Variants in HDAC4 observed in about 807,000 individuals in gnomAD.
The protein encoded by HDAC4 is histone deacetylase A.
Under a neutral mutation model 135.1 loss-of-function variants are expected in HDAC4, and 16 were observed. That is an observed-to-expected ratio of 0.12 (90% CI 0.08 to 0.18). The LOEUF (loss-of-function observed/expected upper bound fraction) is 0.18. Ranked by LOEUF, HDAC4 falls within the 10% of genes least tolerant of loss-of-function variation. The probability of loss-of-function intolerance (pLI) is 1.00; values close to 1 mark genes in which losing one functional copy is unlikely to be tolerated. For synonymous variants in HDAC4, 685 were observed against 653.4 expected (o/e 1.05, Z -0.74); for missense variants, 1,143 against 1,511.8 (o/e 0.76, Z 4.05).
At chr2:239,089,435 C>T (rs1053467232) in intron 18 of HDAC4, among the ~76,000 whole-genome samples, 7 of 152,158 alleles carry the variant, frequency 4.6e-5, no homozygotes, top group South Asian at 2.1e-4. Flanking sequence ...TCAAGCGATT[C>T]GCCAGCCTCA....
chr2:239,264,115 G>A (rs1368276128), intron 2 of HDAC4, among the ~76,000 whole-genome samples: 1 of 152,216 alleles, frequency 6.6e-6, no homozygotes, highest in East Asian at 1.9e-4. Flanking sequence ...GCCAGGCGGG[G>A]AGCTCGTGGG....
chr2:239,124,405 C>G (rs574191572), intron 12 of HDAC4, among the ~76,000 whole-genome samples: 2 of 152,366 alleles, frequency 1.3e-5, no homozygotes, highest in South Asian at 4.1e-4. Flanking sequence ...ATACCACACG[C>G]GGCCTCTCGT....
rs925083292 is a variant in HDAC4 at position 239,130,688 on chromosome 2, C to T, written c.1294+3557G>A. Among the ~76,000 whole-genome samples, 7 of 152,182 alleles carry T rather than the reference C, an allele frequency of 4.6e-5. No homozygotes were observed. In the South Asian group the frequency reaches 6.2e-4, roughly 14 times the overall value. On this transcript the variant is annotated intron_variant, in intron 11 of 26. Transcript: ENST00000543185. ...CAAGCTCCTACTGAGATCTCAGCTC[C>T]GACGCCACTGCTCCGGGAAGCCTTC...
rs556049078 is a variant in HDAC4 at position 239,180,078 on chromosome 2, C to T, written c.340-3515G>A. On this transcript the variant is annotated intron_variant, in intron 4 of 26. Coordinates refer to ENST00000543185, the MANE Select transcript of HDAC4 (RefSeq NM_001378414.1). ...AGGCGGTGTGTGTCCGGGAACATCTCCTGCATCTTGCTGGGTCCTTCTTCA... is the reference window on the plus strand; with the variant it reads ...AGGCGGTGTGTGTCCGGGAACATCTTCTGCATCTTGCTGGGTCCTTCTTCA... Among the ~76,000 whole-genome samples, 140 of 152,306 alleles carry T rather than the reference C, an allele frequency of 9.2e-4. 1 individual carries two copies. The highest frequency in any genetic ancestry group is 1.6e-3 in the Admixed American group (25 of 15,304).
intron 1 of HDAC4, among the ~76,000 whole-genome samples, chr2:239,383,795 C>T (rs1210256412): frequency 6.6e-6 from 1 of 152,192 alleles, no homozygotes; most frequent in Non-Finnish European, 1.5e-5. Flanking sequence ...ACAACAGAGA[C>T]TGGAAAGTGA....
intron 3 of HDAC4, among the ~76,000 whole-genome samples, chr2:239,225,066 G>A (rs539252049): frequency 2.6e-5 from 4 of 152,182 alleles, no homozygotes; most frequent in African/African-American, 9.6e-5. Flanking sequence ...CAAAAAAGAT[G>A]ACTTGGAAAA....
intron 5 of HDAC4, among the ~76,000 whole-genome samples, chr2:239,169,199 A>C (rs1394314906): frequency 6.6e-6 from 1 of 152,238 alleles, no homozygotes; most frequent in African/African-American, 2.4e-5. Flanking sequence ...TTTAAACTTC[A>C]ATTCTTTGAT....
At chr2:239,226,393 G>A (rs559809967) in intron 3 of HDAC4, among the ~76,000 whole-genome samples, 6 of 152,130 alleles carry the variant, frequency 3.9e-5, no homozygotes, top group Middle Eastern at 3.4e-3. Context: ...CACGGTTGAG[G>A]GGCACTGCTG....
intron 2 of HDAC4, among the ~76,000 whole-genome samples, chr2:239,282,221 C>CACAATGTACACACCACTCT (rs2050815465): frequency 8.0e-6 from 1 of 125,028 alleles, no homozygotes; most frequent in Non-Finnish European, 1.7e-5. Flanking sequence ...CACCTCTCTA[C>CACAATGTACACACCACTCT]ACAATGTACA....
At chr2:239,228,353 T>C (rs2047360439) in intron 3 of HDAC4, among the ~76,000 whole-genome samples, 1 of 152,160 alleles carries the variant, frequency 6.6e-6, no homozygotes, top group Non-Finnish European at 1.5e-5. Context: ...ACCTGATCCT[T>C]CACTGGCCTC....
intron 6 of HDAC4, among the ~76,000 whole-genome samples, chr2:239,158,338 G>T (rs1376594057): frequency 1.3e-5 from 2 of 152,086 alleles, no homozygotes; most frequent in East Asian, 3.8e-4. Flanking sequence ...GGAGTGACTT[G>T]TACATGCATC....
chr2:239,217,168 G>A (rs1274060574), intron 3 of HDAC4, among the ~76,000 whole-genome samples: 2 of 152,184 alleles, frequency 1.3e-5, no homozygotes, highest in African/African-American at 4.8e-5. Context: ...GCTGGTGGCA[G>A]AGCCTGAACA....
rs1407254138 is a variant in HDAC4 at position 239,156,695 on chromosome 2, C to T, written c.690G>A (p.Leu230=). The stretch of plus-strand genomic sequence containing the variant: ...AGTCATCTTTGGCGTCGTACATTCC[C>T]AGGACCGGGTGGTTATAGGAGGTCG... ...GVSTSYNHPV[L]GMYDAKDDFP... is the part of the protein sequence containing the mutation. Residue 230 remains leucine, a synonymous_variant, in exon 7 of 27, where the codon CTG becomes CTA. Transcript: ENST00000543185. 6.8e-6 allele frequency: 11 copies of T among 1,614,140 alleles called. No homozygotes were observed. Among genetic ancestry groups the T allele is most frequent in the African/African-American group, 2.7e-5 (2 of 75,020 alleles).
chr2:239,083,627 G>A (rs944366935), intron 20 of HDAC4, among the ~76,000 whole-genome samples: 5 of 152,200 alleles, frequency 3.3e-5, no homozygotes, highest in African/African-American at 9.7e-5. Context: ...ATAAGAATGA[G>A]TATACCTATT....
intron 3 of HDAC4, 99 bp from the exon 4 acceptor site, chr2:239,190,176 G>GC: frequency 7.5e-7 from 1 of 1,328,924 alleles, no homozygotes; most frequent in Admixed American, 2.5e-5. Context: ...TCACGGGGCG[G>GC]GGGGGGGGTT....
In HDAC4 at chr2:239,073,407, C is replaced by G. The variant is rs543152595; in HGVS notation, c.2751-4800G>C. 5.9e-5 allele frequency among the ~76,000 whole-genome samples: 9 copies of G among 152,344 alleles called. No individual in the cohort carries two copies. In the South Asian group the frequency reaches 1.9e-3, roughly 32 times the overall value. ...ACGGGTCAGATAGGAGGCACCTGAC[C>G]TCAGTCTGTGGGCCACACGGTCTCT... On this transcript the variant is annotated intron_variant, in intron 22 of 26. Transcript: ENST00000543185.
chr2:239,214,655 G>A (rs1003543641), intron 3 of HDAC4, among the ~76,000 whole-genome samples: 4 of 152,240 alleles, frequency 2.6e-5, no homozygotes, highest in African/African-American at 9.6e-5. Context: ...GTGAGCAGCC[G>A]CCAGGCTCAG....
At chr2:239,096,322 TGCCCGCACCCCCTACGGAC>T (rs2037026868) in intron 16 of HDAC4, among the ~76,000 whole-genome samples, 1 of 150,570 alleles carries the variant, frequency 6.6e-6, no homozygotes, top group Admixed American at 6.6e-5. Flanking sequence ...AGCCCACGGA[TGCCCGCACCCCCTACGGAC>T]GCCCACACCC....
rs2033802923 is a variant in HDAC4, at chr2:239,068,415, A to C, written c.2869+74T>G. On this transcript the variant is annotated intron_variant, in intron 23 of 26. Coordinates refer to ENST00000543185, the MANE Select transcript of HDAC4 (RefSeq NM_001378414.1). This position sits in a 1 kb window ranked among gnomAD's most constrained non-coding sequence, Gnocchi z 4.4. ...TCCTTATCTCGTTATTAAAAAGGGG[A>C]CCTGACACGCGGAACACAGCGGATC... The C allele has an allele frequency of 1.6e-5, 17 of 1,056,912 alleles. No homozygotes were observed. Among genetic ancestry groups the C allele is most frequent in the Non-Finnish European group, 2.4e-5 (16 of 674,318 alleles). 65.5% of individuals were successfully genotyped at this position (1,056,912 alleles called of 1,614,324 possible). A position where few individuals can be genotyped will look rare whatever the true frequency, so the allele number is the denominator to read the frequency against.
Sources: gnomAD v4.1 joint callset for allele counts (sites outside exome capture counted in the v4.1 genomes callset) on GRCh38, gnomAD v4.1.1 for gene constraint, Gnocchi (gnomAD v3.1) non-coding constraint, MANE v1.5 for transcripts, NCBI Gene and HGNC (gene_info 2026-07-23, HGNC 2026-07-21) for gene names.